The following PCSK5 variants were observed in gnomAD, a reference collection of about 807,000 sequenced individuals.
PCSK5 encodes prohormone convertase 5.
Under a neutral mutation model 233.2 loss-of-function variants are expected in PCSK5, and 129 were observed. The ratio of observed to expected loss-of-function variants is 0.55; its 90% CI spans 0.48 to 0.64. The LOEUF (loss-of-function observed/expected upper bound fraction) is 0.64. Among genes scored for constraint, PCSK5 ranks in the 30% least tolerant of loss-of-function variants. The pLI, the probability that PCSK5 is intolerant of heterozygous loss-of-function variation, is 0.00. For synonymous variants in PCSK5, 825 were observed against 879.2 expected (o/e 0.94, Z 1.09); for missense variants, 2,076 against 2,430.1 (o/e 0.85, Z 3.06).
At chr9:76,201,576 T>C (rs961449787) in intron 20 of PCSK5, among the ~76,000 whole-genome samples, 2 of 152,230 alleles carry the variant, frequency 1.3e-5, no homozygotes, top group African/African-American at 4.8e-5. Context: ...CGGGTTTCTA[T>C]ATTTTAGCTG....
chr9:76,139,121 T>C (rs1004153568), intron 10 of PCSK5, among the ~76,000 whole-genome samples: 6 of 152,140 alleles, frequency 3.9e-5, no homozygotes, highest in Non-Finnish European at 7.4e-5. Flanking sequence ...GGTTGATAAT[T>C]TTAAGATGTC....
chr9:76,227,670 T>A, intron 21 of PCSK5, 65 bp downstream of exon 21: 1 of 1,015,606 alleles, frequency 9.8e-7, no homozygotes, highest in Non-Finnish European at 1.5e-6. Context: ...AGAGAGGAGG[T>A]GCTCACCATC....
At chr9:76,248,322 A>G (rs1036629774) in intron 24 of PCSK5, among the ~76,000 whole-genome samples, 6 of 152,196 alleles carry the variant, frequency 3.9e-5, no homozygotes, top group African/African-American at 1.4e-4. Flanking sequence ...ATGGACTCCC[A>G]CTAGCCAAAT....
intron 2 of PCSK5, among the ~76,000 whole-genome samples, chr9:75,936,859 T>C (rs1022007759): frequency 2.6e-5 from 4 of 152,232 alleles, no homozygotes; most frequent in Non-Finnish European, 5.9e-5. Flanking sequence ...GGAAACACTA[T>C]CTATCAGAGC....
At chr9:75,896,468 G>C (rs1340535267) in intron 1 of PCSK5, among the ~76,000 whole-genome samples, 1 of 152,222 alleles carries the variant, frequency 6.6e-6, no homozygotes, top group Admixed American at 6.5e-5. Flanking sequence ...TTGGCTGAGA[G>C]AGGGAGTCCT....
chr9:76,196,374 T>C (rs1824701308), intron 20 of PCSK5, among the ~76,000 whole-genome samples: 1 of 152,244 alleles, frequency 6.6e-6, no homozygotes, highest in South Asian at 2.1e-4. Flanking sequence ...CGGCATTGGC[T>C]GGATGTCTAG....
intron 1 of PCSK5, among the ~76,000 whole-genome samples, chr9:75,928,592 AATACATATATATATATATATATAT>A (rs1435616912): frequency 6.6e-5 from 5 of 75,254 alleles, no homozygotes; most frequent in African/African-American, 2.3e-4. Flanking sequence ...TTTACATATA[AATACATATATATATATATATATAT>A]ATATATATAT....
chr9:76,109,383 G>A (rs560407157), intron 9 of PCSK5, among the ~76,000 whole-genome samples: 221 of 151,454 alleles, frequency 1.5e-3, no homozygotes, highest in African/African-American at 5.0e-3. Context: ...CTATTGCTTC[G>A]TAGAATTAGG....
chr9:76,129,746 G>A (rs1382598939), intron 9 of PCSK5, among the ~76,000 whole-genome samples: 1 of 152,060 alleles, frequency 6.6e-6, no homozygotes, highest in Non-Finnish European at 1.5e-5. Flanking sequence ...AAGTGCTAGT[G>A]GTTGCACTTA....
chr9:75,909,639 G>A (rs1348664266), intron 1 of PCSK5, among the ~76,000 whole-genome samples: 1 of 152,206 alleles, frequency 6.6e-6, no homozygotes, highest in Non-Finnish European at 1.5e-5. Flanking sequence ...AGGTTGCGGT[G>A]AGCTGAGATC....
chr9:76,233,308 A>G (rs1826151330), intron 21 of PCSK5, among the ~76,000 whole-genome samples, 152 bp from the exon 22 acceptor site: 1 of 152,170 alleles, frequency 6.6e-6, no homozygotes, highest in Non-Finnish European at 1.5e-5. Flanking sequence ...AATATTTCAC[A>G]TGTTCTAAGA....
At chr9:76,279,165 T>C (rs1317428190) in intron 24 of PCSK5, among the ~76,000 whole-genome samples, 1 of 148,754 alleles carries the variant, frequency 6.7e-6, no homozygotes, top group Admixed American at 6.7e-5. Context: ...ATGCGGTGTT[T>C]GGTTTTTTGT....
intron 20 of PCSK5, chr9:76,209,650 C>CA: frequency 2.4e-6 from 1 of 411,326 alleles, no homozygotes; most frequent in Non-Finnish European, 4.9e-6. Flanking sequence ...ATCACTTCAC[C>CA]ACATGGCAAG....
At chr9:76,174,133 GTTCAT>G (rs964564034) in intron 13 of PCSK5, among the ~76,000 whole-genome samples, 1 of 152,046 alleles carries the variant, frequency 6.6e-6, no homozygotes. Flanking sequence ...GTTAATTTTA[GTTCAT>G]TTAAGTTTAA....
intron 3 of PCSK5, among the ~76,000 whole-genome samples, chr9:75,995,744 T>C (rs866696859): frequency 3.4e-5 from 5 of 145,946 alleles, no homozygotes; most frequent in Non-Finnish European, 7.5e-5. Context: ...GATTCATTCA[T>C]ACACACACAC....
At chr9:76,082,540 C>T (rs1830884408) in intron 7 of PCSK5, among the ~76,000 whole-genome samples, 1 of 152,044 alleles carries the variant, frequency 6.6e-6, no homozygotes, top group Non-Finnish European at 1.5e-5. Context: ...TAGCACTCAG[C>T]CCTTGTCTTT....
intron 20 of PCSK5, chr9:76,196,026 AGAGT>A (rs1260056238): frequency 1.3e-5 from 2 of 152,354 alleles, no homozygotes; most frequent in African/African-American, 4.8e-5. Flanking sequence ...TGGAAAAGAA[AGAGT>A]GAGCAGAGGA....
intron 14 of PCSK5, among the ~76,000 whole-genome samples, chr9:76,176,345 T>C (rs1398458384): frequency 6.6e-6 from 1 of 152,202 alleles, no homozygotes; most frequent in Non-Finnish European, 1.5e-5. Context: ...GGTTCCGCCT[T>C]TTCTGATTCA....
chr9:76,073,752 A>G (rs77070654), intron 7 of PCSK5, among the ~76,000 whole-genome samples: 1,740 of 152,318 alleles, frequency 0.011, 24 homozygotes, highest in African/African-American at 0.026. Context: ...CCCATATTCA[A>G]TAGCTGGTTT....
Sources: allele counts gnomAD v4.1 joint callset (sites outside exome capture counted in the v4.1 genomes callset), GRCh38; gene constraint gnomAD v4.1.1; transcripts MANE v1.5; gene names NCBI Gene and HGNC (gene_info 2026-07-23, HGNC 2026-07-21).